Variants in LRP1B observed in about 807,000 individuals in gnomAD.
The protein encoded by LRP1B is low-density lipoprotein receptor-related protein 1B.
LRP1B carries 217 observed loss-of-function variants against 556.6 expected under a neutral mutation model. That is an observed-to-expected ratio of 0.39 (90% CI 0.35 to 0.44). The LOEUF is 0.44. Among genes scored for constraint, LRP1B ranks in the 20% least tolerant of loss-of-function variants. The pLI, the probability that LRP1B is intolerant of heterozygous loss-of-function variation, is 1.00. For missense variants in LRP1B, 5,053 were observed against 5,620.8 expected (o/e 0.90, Z 3.23); for synonymous variants, 2,047 against 1,865.8 (o/e 1.10, Z -2.50).
intron 49 of LRP1B, among the ~76,000 whole-genome samples, chr2:140,519,749 T>A (rs1333197822): frequency 1.3e-5 from 2 of 151,980 alleles, no homozygotes; most frequent in Non-Finnish European, 2.9e-5. Flanking sequence ...TACAAAGAAC[T>A]CAAACAAATT....
intron 60 of LRP1B, among the ~76,000 whole-genome samples, chr2:140,461,283 A>G (rs1462324804): frequency 6.6e-6 from 1 of 152,086 alleles, no homozygotes; most frequent in Non-Finnish European, 1.5e-5. Context: ...TTAAATACTT[A>G]AGAAACGAAT....
intron 3 of LRP1B, among the ~76,000 whole-genome samples, chr2:141,436,200 A>C (rs111831609): frequency 2.2e-4 from 34 of 152,330 alleles, no homozygotes; most frequent in African/African-American, 7.2e-4. Flanking sequence ...ATACATTATG[A>C]AATGATTACC....
intron 5 of LRP1B, among the ~76,000 whole-genome samples, chr2:141,237,353 G>GGTTTTTTTTTTTTTTTTTT: frequency 1.1e-5 from 1 of 93,636 alleles, no homozygotes. Flanking sequence ...GTGTTCTAGT[G>GGTTTTTTTTTTTTTTTTTT]TTTTTTTTTT....
intron 2 of LRP1B, among the ~76,000 whole-genome samples, chr2:141,752,893 G>A (rs538529793): frequency 2.3e-5 from 3 of 130,410 alleles, no homozygotes; most frequent in East Asian, 2.4e-4. Context: ...ACAATGAGTC[G>A]TGATCATGCC....
chr2:141,063,892 G>A (rs965712394), intron 7 of LRP1B, among the ~76,000 whole-genome samples: 3 of 151,900 alleles, frequency 2.0e-5, no homozygotes, highest in African/African-American at 7.2e-5. Flanking sequence ...ATGGAGAAAT[G>A]AAGGTTCTGG....
intron 12 of LRP1B, among the ~76,000 whole-genome samples, chr2:141,017,274 A>G (rs527617445): frequency 6.6e-6 from 1 of 152,040 alleles, no homozygotes; most frequent in Non-Finnish European, 1.5e-5. Flanking sequence ...AAAGTGAAAT[A>G]TGCAATCTTT....
At chr2:140,895,443 C>T (rs1427992562) in intron 23 of LRP1B, among the ~76,000 whole-genome samples, 1 of 152,224 alleles carries the variant, frequency 6.6e-6, no homozygotes, top group Non-Finnish European at 1.5e-5. Flanking sequence ...CTCAACCCCT[C>T]GTGGGAAGGG....
chr2:140,949,713 G>T (rs1479081611), intron 20 of LRP1B, among the ~76,000 whole-genome samples: 1 of 151,898 alleles, frequency 6.6e-6, no homozygotes, highest in East Asian at 1.9e-4. Flanking sequence ...GGCCGAGGCA[G>T]GCAGATCACG....
At chr2:140,925,052 A>G (rs1411683812) in intron 20 of LRP1B, among the ~76,000 whole-genome samples, 1 of 152,174 alleles carries the variant, frequency 6.6e-6, no homozygotes, top group Non-Finnish European at 1.5e-5. Flanking sequence ...TATCATATTT[A>G]CATTGTATTA....
At chr2:141,016,559 T>C (rs1006067941) in intron 12 of LRP1B, among the ~76,000 whole-genome samples, 2 of 152,098 alleles carry the variant, frequency 1.3e-5, no homozygotes, top group Admixed American at 6.6e-5. Context: ...AGTTTAGTAA[T>C]AGCAAGTTGA....
chr2:140,906,955 C>T (rs1223299068), intron 22 of LRP1B, among the ~76,000 whole-genome samples: 1 of 144,288 alleles, frequency 6.9e-6, no homozygotes, highest in South Asian at 2.2e-4. Flanking sequence ...TAAAAAAAGA[C>T]ATTTTACCAC....
intron 1 of LRP1B, among the ~76,000 whole-genome samples, chr2:141,885,544 C>A (rs1352053851): frequency 1.3e-5 from 2 of 152,140 alleles, no homozygotes; most frequent in Non-Finnish European, 2.9e-5. Context: ...GAGGTGCTGG[C>A]ATGGTGGTGG....
At chr2:141,033,087 T>A (rs1432564599) in intron 11 of LRP1B, among the ~76,000 whole-genome samples, 2 of 151,594 alleles carry the variant, frequency 1.3e-5, no homozygotes, top group Non-Finnish European at 2.9e-5. Context: ...AGGGAATGAT[T>A]GAGTCCAGGG....
At chr2:140,958,542 A>G (rs1380956780) in intron 18 of LRP1B, among the ~76,000 whole-genome samples, 1 of 151,610 alleles carries the variant, frequency 6.6e-6, no homozygotes, top group Non-Finnish European at 1.5e-5. Context: ...AAGAGAAATC[A>G]TGAAGGACAG....
intron 2 of LRP1B, among the ~76,000 whole-genome samples, chr2:141,782,940 G>GT (rs1695312240): frequency 6.6e-6 from 1 of 152,020 alleles, no homozygotes; most frequent in South Asian, 2.1e-4. Context: ...TGAAAACTAG[G>GT]TAAGAGTAAA....
chr2:140,657,866 C>T (rs1017082530), intron 41 of LRP1B, among the ~76,000 whole-genome samples: 12 of 151,778 alleles, frequency 7.9e-5, no homozygotes, highest in African/African-American at 2.9e-4. Context: ...TTCGAAGTAA[C>T]CCGATGGTAC....
At chr2:140,508,183 A>C (rs1689499887) in intron 52 of LRP1B, among the ~76,000 whole-genome samples, 1 of 152,174 alleles carries the variant, frequency 6.6e-6, no homozygotes. Flanking sequence ...TGTCTTAATA[A>C]GCACTTTTCT....
intron 35 of LRP1B, among the ~76,000 whole-genome samples, chr2:140,768,178 G>C (rs560281215): frequency 6.6e-6 from 1 of 151,916 alleles, no homozygotes; most frequent in Admixed American, 6.6e-5. Flanking sequence ...ATCTACTTAA[G>C]AAAACTCATT....
At chr2:140,582,106 G>T (rs1681786040) in intron 43 of LRP1B, among the ~76,000 whole-genome samples, 1 of 152,030 alleles carries the variant, frequency 6.6e-6, no homozygotes. Flanking sequence ...CCTGGTTTAG[G>T]TCTGCCAAAA....
Sources: gnomAD v4.1 joint callset for allele counts (sites outside exome capture counted in the v4.1 genomes callset) on GRCh38, gnomAD v4.1.1 for gene constraint, MANE v1.5 for transcripts, NCBI Gene and HGNC (gene_info 2026-07-23, HGNC 2026-07-21) for gene names.